The following MROH1 variants were observed in gnomAD, a reference collection of about 807,000 sequenced individuals.
The protein encoded by MROH1 is maestro heat-like repeat-containing protein family member 1.
In MROH1, 117 loss-of-function variants were observed where a neutral mutation model predicts 116.5. The ratio of observed to expected loss-of-function variants is 1.00; its 90% confidence interval spans 0.86 to 1.17. MROH1 has a LOEUF of 1.17. MROH1 is among the 50% of genes most tolerant of loss of function. The probability of loss-of-function intolerance (pLI) is 0.00; values close to 1 mark genes in which losing one functional copy is unlikely to be tolerated. For synonymous variants in MROH1, 921 were observed against 583.9 expected (o/e 1.58, Z -8.32); for missense variants, 1,873 against 1,338.5 (o/e 1.40, Z -6.23).
intron 7 of MROH1, among the ~76,000 whole-genome samples, chr8:144,185,880 G>T (rs1165931687): frequency 7.2e-6 from 1 of 139,088 alleles, no homozygotes; most frequent in African/African-American, 2.7e-5. Flanking sequence ...TGCAGGGACC[G>T]TGGGGGGATG....
intron 12 of MROH1, among the ~76,000 whole-genome samples, chr8:144,203,513 T>G (rs1190346824): frequency 1.4e-5 from 2 of 144,874 alleles, no homozygotes; most frequent in Admixed American, 6.8e-5. Context: ...GGGGAGTGCC[T>G]GCTCTCTGTG....
intron 10 of MROH1, among the ~76,000 whole-genome samples, chr8:144,195,898 T>G (rs551146816): frequency 2.6e-5 from 4 of 152,266 alleles, no homozygotes; most frequent in African/African-American, 9.6e-5. Flanking sequence ...GTTTATGATA[T>G]TTTTTGGCCA....
Position 144,241,052 on chromosome 8 carries a change from A to G in MROH1, c.1996A>G (p.Arg666Gly). ...LGAASSKEVV[R>G]KHLQELLETA... is the part of the protein sequence containing the mutation. ...TGCTGCTTCAAGTAAGGAGGTGGTG[A>G]GGAAGCACCTTCAAGAGCTGCTGGA... Residue 666 changes from arginine to glycine, a missense_variant, in exon 21 of 44, where the codon AGG becomes GGG. Transcript: ENST00000326134. The G allele has an allele frequency of 1.3e-6, 1 of 776,364 alleles. No homozygotes were observed. Among genetic ancestry groups the G allele is most frequent in the South Asian group, 1.4e-5 (1 of 73,602 alleles). The allele number at this position is 776,364 out of a possible 1,614,324, so 48.1% of individuals were successfully genotyped here.
chr8:144,180,483 CGT>C lies in MROH1; in HGVS notation c.524_525del (p.Val175GlyfsTer82), dbSNP rs775960344. On this transcript the variant is annotated frameshift_variant, in exon 7 of 44. Transcript: ENST00000326134. LOFTEE classifies it high-confidence loss of function. This position sits in a 1 kb window ranked among gnomAD's most constrained non-coding sequence, Gnocchi z 7.4. Reference sequence around the variant, plus strand: ...TGAGCTCCCTGCTGCCCGTGCTGGGCGTGGCCAAGCAGGACACGGTGCGCGTG... The same window carrying C: ...TGAGCTCCCTGCTGCCCGTGCTGGGCGGCCAAGCAGGACACGGTGCGCGTG... ...VLSSLLPVLGVAKQDTVRVAF... is the reference protein window; with the variant it reads ...VLSSLLPVLGXAKQDTVRVAF... The C allele has an allele frequency of 8.1e-6, 13 of 1,612,120 alleles. No homozygotes were observed. The East Asian group carries it at 2.7e-4, about 33-fold the overall frequency.
chr8:144,192,601 A>T (rs893936703), intron 10 of MROH1, 200 bp downstream of exon 10: 2 of 700,742 alleles, frequency 2.9e-6, no homozygotes, highest in Non-Finnish European at 5.2e-6. Flanking sequence ...TGGCACATGC[A>T]GGTGACATAG....
At chr8:144,256,966 G>GGGCCCTGGCTCAGACCATGA (rs1225741529) in intron 35 of MROH1, among the ~76,000 whole-genome samples, 50 of 152,176 alleles carry the variant, frequency 3.3e-4, no homozygotes, top group South Asian at 6.2e-4. Flanking sequence ...CACTCAAGCT[G>GGGCCCTGGCTCAGACCATGA]GGCCCTGGCT....
At chr8:144,237,215 C>G (rs1403993539) in intron 14 of MROH1, among the ~76,000 whole-genome samples, 1 of 152,178 alleles carries the variant, frequency 6.6e-6, no homozygotes, top group African/African-American at 2.4e-5. Context: ...AGAGCCTCTC[C>G]TATTCTTATG....
intron 12 of MROH1, among the ~76,000 whole-genome samples, chr8:144,215,252 T>C (rs1386890302): frequency 6.6e-6 from 1 of 152,206 alleles, no homozygotes; most frequent in Non-Finnish European, 1.5e-5. Flanking sequence ...AATCTAAAAA[T>C]TAGAAATCAC....
chr8:144,152,793 C>G (rs1435757890), intron 1 of MROH1, among the ~76,000 whole-genome samples: 1 of 152,124 alleles, frequency 6.6e-6, no homozygotes, highest in Middle Eastern at 3.2e-3. Context: ...GTGATCTGCC[C>G]ACCTCGGCCT....
At chr8:144,192,022 C>T (rs1828741971) in intron 9 of MROH1, among the ~76,000 whole-genome samples, 167 bp downstream of exon 9, 1 of 152,132 alleles carries the variant, frequency 6.6e-6, no homozygotes, top group Admixed American at 6.5e-5. Context: ...TCGTGGGGAC[C>T]AGCTTAGTTT....
chr8:144,245,192 G>A lies in MROH1; in HGVS notation c.2803G>A (p.Glu935Lys), dbSNP rs1420416700. ...ATGGATCAAGTCCCCAAGAGGTCAC[G>A]AGCGGGCGCGGGCCCTGGGCCTGAG... The part of the protein sequence containing the change: ...SPWIKSPRGH[E>K]RARALGLSAL... The change falls in exon 29 of 44, where the codon GAG becomes AAG. Residue 935 changes from glutamate (E) to lysine (K), a missense_variant. Glu to Lys is a moderately conservative substitution (Grantham distance 56). Transcript: ENST00000326134. 10 of 779,136 alleles carry A rather than the reference G, an allele frequency of 1.3e-5. No homozygotes were observed. The highest frequency in any genetic ancestry group is 7.3e-5 in the East Asian group (3 of 41,270). 48.3% of individuals were successfully genotyped at this position (779,136 alleles called of 1,614,324 possible).
chr8:144,195,218 A>AAAAAAAAAAAAAAAAAAAAAAAC, intron 10 of MROH1, among the ~76,000 whole-genome samples: 1 of 141,978 alleles, frequency 7.0e-6, no homozygotes, highest in South Asian at 2.4e-4. Context: ...AAAAAAAAAA[A>AAAAAAAAAAAAAAAAAAAAAAAC]AGGCCGAGTG....
intron 12 of MROH1, 31 bp downstream of exon 12, chr8:144,200,572 C>T (rs575263215): frequency 1.4e-6 from 2 of 1,467,388 alleles, no homozygotes; most frequent in Admixed American, 2.0e-5. Context: ...CTGGCCGCCA[C>T]CCCTGGCCAT....
At chr8:144,174,646 T>C (rs1823372981) in intron 4 of MROH1, among the ~76,000 whole-genome samples, 1 of 152,026 alleles carries the variant, frequency 6.6e-6, no homozygotes, top group Admixed American at 6.6e-5. Context: ...CACACCTGGC[T>C]AATTGTTTTT....
At chr8:144,249,637 G>A (rs1842504737) in intron 32 of MROH1, among the ~76,000 whole-genome samples, 3 of 152,196 alleles carry the variant, frequency 2.0e-5, no homozygotes, top group African/African-American at 7.2e-5. Flanking sequence ...GCGTCCTCCT[G>A]CCCACGTTTC....
At chr8:144,222,998 G>A in intron 13 of MROH1, 110 bp from the exon 14 acceptor site, 5 of 1,484,184 alleles carry the variant, frequency 3.4e-6, no homozygotes, top group Non-Finnish European at 4.6e-6. Context: ...GCAGTTGTGG[G>A]CACATGTGTG....
chr8:144,199,017 A>G (rs1830516469), intron 10 of MROH1, 105 bp from the exon 11 acceptor site: 3 of 1,070,568 alleles, frequency 2.8e-6, no homozygotes, highest in African/African-American at 3.1e-5. Context: ...TGGGGTGGAA[A>G]CCCAGAGCCT....
chr8:144,249,541 C>A lies in MROH1; in HGVS notation c.3273+512C>A, dbSNP rs950796673. Reference sequence around the variant, plus strand: ...GCCAATACCCATCATGAGCAGGGAGCCCCCTCGTGACAAGGCCGTCCCCCA... The same window carrying A: ...GCCAATACCCATCATGAGCAGGGAGACCCCTCGTGACAAGGCCGTCCCCCA... On this transcript the variant is annotated intron_variant, in intron 32 of 43. Coordinates refer to ENST00000326134, the MANE Select transcript of MROH1 (RefSeq NM_032450.3). 2.4e-3 allele frequency among the ~76,000 whole-genome samples: 359 copies of A among 152,192 alleles called. 1 individual carries two copies. The highest frequency in any genetic ancestry group is 8.4e-3 in the African/African-American group (349 of 41,544).
intron 43 of MROH1, 72 bp from the exon 44 acceptor site, chr8:144,261,583 A>AGCGT: frequency 1.4e-6 from 1 of 700,652 alleles, no homozygotes; most frequent in Admixed American, 2.0e-5. Context: ...CTGTCAGGAG[A>AGCGT]GCGTGGCCCA....
Sources: allele counts gnomAD v4.1 joint callset (sites outside exome capture counted in the v4.1 genomes callset), GRCh38; gene constraint gnomAD v4.1.1; non-coding constraint Gnocchi (gnomAD v3.1); transcripts MANE v1.5; gene names NCBI Gene and HGNC (gene_info 2026-07-23, HGNC 2026-07-21).